The following RNF125 variants were observed in gnomAD, a reference collection of about 807,000 sequenced individuals.
RNF125 encodes the protein E3 ubiquitin-protein ligase RNF125.
In RNF125, 21 loss-of-function variants were observed where a neutral mutation model predicts 26.0. That is an observed-to-expected ratio of 0.81 (90% confidence interval 0.57 to 1.16). The LOEUF (loss-of-function observed/expected upper bound fraction) is 1.16, where lower values mean the gene tolerates loss of function less well. Among genes scored for constraint, RNF125 ranks in the 50% most tolerant of loss-of-function variants. The pLI is 0.00. For synonymous variants in RNF125, 95 were observed against 109.2 expected (o/e 0.87, Z 0.81); for missense variants, 270 against 299.4 (o/e 0.90, Z 0.72).
chr18:32,062,036 G>A (rs970465854), intron 4 of RNF125, among the ~76,000 whole-genome samples: 5 of 152,176 alleles, frequency 3.3e-5, no homozygotes, highest in Admixed American at 1.3e-4. Context: ...TCAAATAGTA[G>A]TAAATATGTG....
the RNF125 span, among the ~76,000 whole-genome samples, chr18:32,085,417 A>AGAGAGAGAGAGAGAGAGAGAG: frequency 4.9e-5 from 5 of 101,642 alleles, no homozygotes; most frequent in African/African-American, 2.1e-4. Context: ...GAGAGAGAGA[A>AGAGAGAGAGAGAGAGAGAGAG]AGCTGGGTGA....
At chr18:32,032,713 C>T (rs1327763426) in intron 1 of RNF125, among the ~76,000 whole-genome samples, 10 of 152,026 alleles carry the variant, frequency 6.6e-5, no homozygotes, top group East Asian at 3.9e-4. Context: ...AGTGGAGGGC[C>T]GGGCTTGGTG....
chr18:32,082,141 C>G, the RNF125 span, among the ~76,000 whole-genome samples: 1 of 152,050 alleles, frequency 6.6e-6, no homozygotes, highest in Non-Finnish European at 1.5e-5. Context: ...CCTGGCAAAT[C>G]AAATAGGATG....
rs551428239 is a variant in RNF125 at position 32,039,445 on chromosome 18, G to A, written c.318+2176G>A. Reference sequence around the variant, plus strand: ...ATCATGTTCATGTTCATGTTAGAGGGTGGTTTTAAAGGTAAATGATAAATA... The same window carrying A: ...ATCATGTTCATGTTCATGTTAGAGGATGGTTTTAAAGGTAAATGATAAATA... On this transcript the variant is annotated intron_variant, in intron 2 of 5. Coordinates refer to ENST00000217740, the MANE Select transcript of RNF125 (RefSeq NM_017831.4). Among the ~76,000 whole-genome samples, 5 of 152,148 alleles carry A rather than the reference G, an allele frequency of 3.3e-5. No homozygotes were observed. The South Asian group carries it at 1.0e-3, about 32-fold the overall frequency.
the RNF125 span, among the ~76,000 whole-genome samples, chr18:32,078,707 T>C: frequency 2.0e-5 from 3 of 152,184 alleles, no homozygotes; most frequent in Non-Finnish European, 4.4e-5. Flanking sequence ...GGAAGAAATG[T>C]GTATCTTTAA....
intron 3 of RNF125, among the ~76,000 whole-genome samples, chr18:32,043,590 T>G (rs1015709823): frequency 2.6e-5 from 4 of 152,112 alleles, no homozygotes; most frequent in African/African-American, 9.7e-5. Flanking sequence ...CAATGACCAA[T>G]AGGAAGGAAG....
At position 32,070,231 on chromosome 18, in the gene RNF125, T is replaced by C. The variant is rs1426561722; in HGVS notation, c.*1847T>C. The stretch of plus-strand genomic sequence containing the variant: ...AATTTTTGTATTTTTAGTAGAGGGG[T>C]TTCACCATAATGGTCAGGCTGGTCT... On this transcript the variant is annotated 3_prime_UTR_variant, in exon 6 of 6. Coordinates refer to ENST00000217740, the MANE Select transcript of RNF125 (RefSeq NM_017831.4). 1 of 151,904 alleles carries C rather than the reference T, an allele frequency of 6.6e-6. No homozygotes were observed. Among genetic ancestry groups the C allele is most frequent in the East Asian group, 1.9e-4 (1 of 5,178 alleles). The allele number at this position is 151,904 out of a possible 1,614,324, so 9.4% of individuals were successfully genotyped here. A position where few individuals can be genotyped will look rare whatever the true frequency, so the allele number is the denominator to read the frequency against.
rs73954964 is a variant in RNF125 at position 32,027,674 on chromosome 18, T to C, written c.164+8647T>C. ...GTTCCAAGATCCCATTCATTGGCTC[T>C]AGAATGAACAAAATGACTTACATCC... On this transcript the variant is annotated intron_variant, in intron 1 of 5. Transcript: ENST00000217740. 4.0e-3 allele frequency among the ~76,000 whole-genome samples: 604 copies of C among 152,288 alleles called. 1 individual carries two copies. The highest frequency in any genetic ancestry group is 0.013 in the African/African-American group (557 of 41,544).
the RNF125 span, among the ~76,000 whole-genome samples, chr18:32,085,373 CAGAGAGAG>C: frequency 0.035 from 4,459 of 128,698 alleles, 66 homozygotes; most frequent in Middle Eastern, 0.038. Context: ...CTGCCAGAAG[CAGAGAGAG>C]AGAGAGAGAG....
chr18:32,045,126 A>G (rs1400447813), intron 3 of RNF125, among the ~76,000 whole-genome samples: 1 of 151,638 alleles, frequency 6.6e-6, no homozygotes, highest in Non-Finnish European at 1.5e-5. Flanking sequence ...TCCAAAAAAA[A>G]AAAATAGAAA....
At chr18:32,054,313 G>C (rs1029327110) in intron 4 of RNF125, among the ~76,000 whole-genome samples, 10 of 152,060 alleles carry the variant, frequency 6.6e-5, no homozygotes, top group Admixed American at 1.3e-4. Flanking sequence ...AGTTGGTCTT[G>C]AACTCCTGAC....
intron 1 of RNF125, among the ~76,000 whole-genome samples, chr18:32,031,975 C>G (rs559097623): frequency 1.3e-5 from 2 of 152,228 alleles, no homozygotes; most frequent in East Asian, 3.9e-4. Flanking sequence ...TCTCAGCTCA[C>G]TGCAACCTCT....
At chr18:32,048,462 C>A (rs1598818880) in intron 4 of RNF125, among the ~76,000 whole-genome samples, 1 of 148,220 alleles carries the variant, frequency 6.7e-6, no homozygotes, top group African/African-American at 2.5e-5. Context: ...AAACCTGTCT[C>A]AAAAAAAAAG....
rs531751585 is a variant in RNF125, at chr18:32,050,865, C to CTTTTTT, written c.504+5162_504+5167dup. Among the ~76,000 whole-genome samples the CTTTTTT allele has an allele frequency of 2.0e-3, 93 of 46,340 alleles. 17 individuals carry two copies. The highest frequency in any genetic ancestry group is 4.6e-3 in the East Asian group (5 of 1,084). The allele number at this position is 46,340 out of a possible 152,430, so 30.4% of individuals were successfully genotyped here. On this transcript the variant is annotated intron_variant, in intron 4 of 5. Transcript: ENST00000217740. Reference sequence around the variant, plus strand: ...CCAGCTAGTCTCTCGGTCTAGAGTGCTTTTTTTTTTTTTTTTTTTTTTTTT... The same window carrying CTTTTTT: ...CCAGCTAGTCTCTCGGTCTAGAGTGCTTTTTTTTTTTTTTTTTTTTTTTTTTTTTTT...
downstream of RNF125, among the ~76,000 whole-genome samples, chr18:32,077,334 A>ATTTTTT (rs552701343): frequency 1.9e-5 from 2 of 107,876 alleles, no homozygotes; most frequent in Non-Finnish European, 1.8e-5. Flanking sequence ...CCCTCTCCCC[A>ATTTTTT]TTTTTTTTTT....
intron 4 of RNF125, among the ~76,000 whole-genome samples, chr18:32,063,968 CT>C (rs747535447): frequency 4.8e-3 from 666 of 139,710 alleles, no homozygotes; most frequent in Admixed American, 5.4e-3. Flanking sequence ...TGGTCTGTAT[CT>C]TTTTTTTTTT....
intron 1 of RNF125, among the ~76,000 whole-genome samples, chr18:32,034,366 T>C (rs1206165004): frequency 2.0e-5 from 3 of 152,180 alleles, no homozygotes; most frequent in Non-Finnish European, 4.4e-5. Flanking sequence ...CAGCGGGACA[T>C]AAGCCCTGGG....
intron 4 of RNF125, among the ~76,000 whole-genome samples, chr18:32,059,220 T>A (rs1356325404): frequency 6.6e-6 from 1 of 152,248 alleles, no homozygotes; most frequent in Non-Finnish European, 1.5e-5. Flanking sequence ...GTAGTTGTAC[T>A]AATTTACATT....
At chr18:32,075,823 G>T (rs1191831466), downstream of RNF125, 3 of 631,970 alleles carry the variant, frequency 4.7e-6, no homozygotes, top group East Asian at 9.1e-5. Context: ...TGTTTTCTTT[G>T]TTGTTGTTGT....
Sources: allele counts gnomAD v4.1 joint callset (sites outside exome capture counted in the v4.1 genomes callset), GRCh38; gene constraint gnomAD v4.1.1; transcripts MANE v1.5; gene names NCBI Gene and HGNC (gene_info 2026-07-23, HGNC 2026-07-21).